Variants in SYNE1 observed in about 807,000 individuals in gnomAD.
The protein encoded by SYNE1 is nesprin-1.
Under a neutral mutation model 1,111.0 loss-of-function variants are expected in SYNE1, and 616 were observed. The ratio of observed to expected loss-of-function variants is 0.55; its 90% confidence interval spans 0.52 to 0.59. The LOEUF is 0.59. Ranked by LOEUF, SYNE1 falls within the 20% of genes least tolerant of loss-of-function variation. The probability of loss-of-function intolerance (pLI) is 0.00; values close to 1 mark genes in which losing one functional copy is unlikely to be tolerated. For missense variants in SYNE1, 10,006 were observed against 10,417.0 expected, an observed-to-expected ratio of 0.96 and a Z score of 1.72; for synonymous variants, 3,855 against 3,825.8, an observed-to-expected ratio of 1.01 and a Z score of -0.28.
intron 100 of SYNE1, among the ~76,000 whole-genome samples, chr6:152,263,586 A>T (rs561193446): frequency 3.0e-4 from 46 of 151,040 alleles, no homozygotes; most frequent in African/African-American, 1.1e-3. Flanking sequence ...CTTTGTAGAG[A>T]CAGGGTCTCA....
At chr6:152,503,267 G>A (rs1258377994) in intron 9 of SYNE1, among the ~76,000 whole-genome samples, 1 of 152,098 alleles carries the variant, frequency 6.6e-6, no homozygotes, top group African/African-American at 2.4e-5. Flanking sequence ...AAGAAAGGCA[G>A]ATGCCTTATA....
intron 3 of SYNE1, among the ~76,000 whole-genome samples, chr6:152,540,827 C>T (rs1270789653): frequency 1.3e-5 from 2 of 152,182 alleles, no homozygotes; most frequent in Non-Finnish European, 2.9e-5. Context: ...TCTCAGTGAA[C>T]AGCCAGTAAG....
chr6:152,353,197 T>C (rs1260034738), intron 69 of SYNE1, 66 bp downstream of exon 69: 7 of 1,573,524 alleles, frequency 4.4e-6, no homozygotes, highest in Non-Finnish European at 6.1e-6. Context: ...CCAGTATCTA[T>C]GCAGGAGAAT....
chr6:152,601,386 G>T (rs560256508), intron 3 of SYNE1, among the ~76,000 whole-genome samples: 1 of 152,224 alleles, frequency 6.6e-6, no homozygotes, highest in Non-Finnish European at 1.5e-5. Context: ...TATATTTTAG[G>T]CAAACCAAAG....
In SYNE1 at chr6:152,224,583, A is replaced by T; in HGVS notation, c.21433T>A (p.Tyr7145Asn). ...AGAGAGTATCTGGCCTCCATGAGGT[A>T]ACTGTTTATCTTGTCAAAGGCCACT... is the stretch of plus-strand genomic sequence containing the variant. ...HKVAFDKINS[Y>N]LMEARYSLSR... Residue 7145 changes from tyrosine to asparagine, a missense_variant, in exon 117 of 146, where the codon TAC becomes AAC. Physicochemically the swap from Tyr to Asn is moderately radical, Grantham distance 143. This residue lies in a region of SYNE1 where 2,182 missense variants were observed against 2,287.8 expected (regional missense o/e 0.95). Transcript: ENST00000367255. 6.2e-7 allele frequency: 1 copy of T among 1,614,024 alleles called. No individual in the cohort carries two copies. Among genetic ancestry groups the T allele is most frequent in the South Asian group, 1.1e-5 (1 of 91,080 alleles).
intron 30 of SYNE1, among the ~76,000 whole-genome samples, chr6:152,443,675 A>G (rs1046449373): frequency 2.0e-5 from 3 of 152,186 alleles, no homozygotes; most frequent in Non-Finnish European, 2.9e-5. Context: ...ATATATATGT[A>G]TATAATACAC....
At chr6:152,284,236 T>A in intron 95 of SYNE1, 64 bp from the exon 96 acceptor site, 1 of 1,528,818 alleles carries the variant, frequency 6.5e-7, no homozygotes, top group Non-Finnish European at 9.0e-7. Flanking sequence ...TCATTAGCAC[T>A]AGCTGAGTCT....
intron 55 of SYNE1, among the ~76,000 whole-genome samples, chr6:152,383,756 T>C (rs2097470300): frequency 6.6e-6 from 1 of 152,208 alleles, no homozygotes; most frequent in African/African-American, 2.4e-5. Context: ...CACTTTCAAC[T>C]CCATGTCTTC....
intron 3 of SYNE1, among the ~76,000 whole-genome samples, chr6:152,618,862 C>T (rs538978510): frequency 2.0e-4 from 30 of 152,246 alleles, no homozygotes; most frequent in African/African-American, 7.0e-4. Flanking sequence ...CATTGTCTAT[C>T]CTCAGCATTA....
chr6:152,526,059 A>G lies in SYNE1; in HGVS notation c.225+21T>C, dbSNP rs867449721. On this transcript the variant is annotated intron_variant, in intron 5 of 145. Transcript: ENST00000367255. Reference sequence around the variant, plus strand: ...AAATGGAAACAATTTGACAAGTATGATCACACAAAAAAATTCTTACCAGTT... The same window carrying G: ...AAATGGAAACAATTTGACAAGTATGGTCACACAAAAAAATTCTTACCAGTT... 12 of 1,607,794 alleles carry G rather than the reference A, an allele frequency of 7.5e-6. No homozygotes were observed. In the Admixed American group the frequency reaches 1.8e-4, roughly 25 times the overall value.
intron 31 of SYNE1, 150 bp from the exon 32 acceptor site, chr6:152,441,420 T>C (rs1036721858): frequency 5.0e-5 from 42 of 835,356 alleles, no homozygotes; most frequent in Middle Eastern, 3.5e-4. Context: ...TAGTATCTTC[T>C]GTAAGAATTT....
intron 125 of SYNE1, 21 bp from the exon 126 acceptor site, chr6:152,206,383 T>C (rs764263098): frequency 6.2e-7 from 1 of 1,612,920 alleles, no homozygotes; most frequent in Non-Finnish European, 8.5e-7. Flanking sequence ...CCATAGCTTT[T>C]TATTTTCTCA....
chr6:152,481,541 CT>C (rs773646494), intron 14 of SYNE1: 1 of 453,502 alleles, frequency 2.2e-6, no homozygotes, highest in Non-Finnish European at 4.4e-6. Context: ...CATGTACCCC[CT>C]GAATCTGCAA....
rs572075883 is a variant in SYNE1, at chr6:152,577,612, G to T, written c.68-37591C>A. Among the ~76,000 whole-genome samples the T allele has an allele frequency of 5.3e-5, 8 of 152,198 alleles. No individual in the cohort carries two copies. The East Asian group carries it at 1.5e-3, about 29-fold the overall frequency. On this transcript the variant is annotated intron_variant, in intron 3 of 145. Coordinates refer to ENST00000367255, the MANE Select transcript of SYNE1 (RefSeq NM_182961.4). ...GGTGCCACTGCACTCCAGCCTGGGG[G>T]ACAGAGCGAGACTCCATCTCAACGA...
At chr6:152,461,349 A>C (rs572314304) in intron 21 of SYNE1, among the ~76,000 whole-genome samples, 2 of 152,226 alleles carry the variant, frequency 1.3e-5, no homozygotes, top group Non-Finnish European at 2.9e-5. Context: ...ACCGTTCCCC[A>C]AAAGTATCTA....
intron 91 of SYNE1, among the ~76,000 whole-genome samples, chr6:152,306,487 A>AAAT (rs2095379787): frequency 2.8e-5 from 4 of 142,456 alleles, no homozygotes; most frequent in South Asian, 4.5e-4. Flanking sequence ...CTCCATCTAA[A>AAAT]AAATAAATAA....
chr6:152,309,746 G>A (rs1203959400), intron 90 of SYNE1, 89 bp downstream of exon 90: 1 of 1,552,230 alleles, frequency 6.4e-7, no homozygotes, highest in Non-Finnish European at 8.8e-7. Context: ...CCCTGGATGT[G>A]TTTTGATGGC....
At chr6:152,365,775 T>A (rs1349792159) in intron 62 of SYNE1, among the ~76,000 whole-genome samples, 1 of 152,140 alleles carries the variant, frequency 6.6e-6, no homozygotes, top group Non-Finnish European at 1.5e-5. Flanking sequence ...GAAGTTTTAA[T>A]TCCAAGTTAT....
intron 82 of SYNE1, 69 bp downstream of exon 82, chr6:152,323,409 A>T: frequency 6.3e-7 from 1 of 1,594,170 alleles, no homozygotes; most frequent in South Asian, 1.1e-5. Flanking sequence ...TTTGCACTCC[A>T]GCCTGGGCGA....
Sources: allele counts gnomAD v4.1 joint callset (sites outside exome capture counted in the v4.1 genomes callset), GRCh38; gene constraint gnomAD v4.1.1; regional missense constraint gnomAD v4.1.1; transcripts MANE v1.5; gene names NCBI Gene and HGNC (gene_info 2026-07-23, HGNC 2026-07-21).